The following CNTN2 variants were observed in gnomAD, a reference collection of about 807,000 sequenced individuals.
The protein encoded by CNTN2 is contactin-2.
In CNTN2, 53 loss-of-function variants were observed where a neutral mutation model predicts 117.5. That is an observed-to-expected ratio of 0.45 (90% CI 0.36 to 0.57). The LOEUF is 0.57. Among genes scored for constraint, CNTN2 ranks in the 20% least tolerant of loss-of-function variants. The pLI, the probability that CNTN2 is intolerant of heterozygous loss-of-function variation, is 0.00. For missense variants in CNTN2, 1,106 were observed against 1,404.3 expected (o/e 0.79, Z 3.39); for synonymous variants, 530 against 561.7 (o/e 0.94, Z 0.80).
At position 205,059,247 on chromosome 1, in the gene CNTN2, C is replaced by G; in HGVS notation, c.651C>G (p.Thr217=). The G allele has an allele frequency of 6.2e-7, 1 of 1,614,190 alleles. No individual in the cohort carries two copies. Among genetic ancestry groups the G allele is most frequent in the South Asian group, 1.1e-5 (1 of 91,066 alleles). The change falls in exon 6 of 23, where the codon ACC becomes ACG. Residue 217 remains threonine, a synonymous_variant. Coordinates refer to ENST00000331830, the MANE Select transcript of CNTN2 (RefSeq NM_005076.5). The surrounding 1 kb of genome is among the most constrained non-coding windows in gnomAD (Gnocchi z 5.6). The part of the protein sequence containing the change: ...CLATSHMDFS[T]KSVFSKFAQL... ...CCACCAGCCACATGGACTTCTCCAC[C>G]AAGAGCGTCTTCAGCAAGTTTGCTC...
intron 7 of CNTN2, chr1:205,060,199 A>C (rs1460971995): frequency 6.4e-6 from 1 of 155,626 alleles, no homozygotes; most frequent in East Asian, 1.9e-4. Context: ...GATCTATTTG[A>C]GAATGGCAGC....
rs749454188 is a variant in CNTN2, at chr1:205,071,860, G to A, written c.2545-87G>A. The A allele has an allele frequency of 6.0e-5, 78 of 1,301,444 alleles. No homozygotes were observed. In the East Asian group the frequency reaches 6.8e-4, roughly 11 times the overall value. 80.6% of individuals were successfully genotyped at this position (1,301,444 alleles called of 1,614,324 possible). On this transcript the variant is annotated intron_variant, in intron 19 of 22. Coordinates refer to ENST00000331830, the MANE Select transcript of CNTN2 (RefSeq NM_005076.5). ...GACTGGGTCACAGGGACCAGGATGA[G>A]CAAGAGAGGAACAGAATGTGGGGGC... is the stretch of plus-strand genomic sequence containing the variant.
chr1:205,063,103 A>T (rs2151193213), intron 10 of CNTN2: 1 of 152,456 alleles, frequency 6.6e-6, no homozygotes, highest in South Asian at 2.1e-4. Flanking sequence ...CCTCATCCAT[A>T]AAATGGACAC....
rs1475933253 is a variant in CNTN2, at chr1:205,058,144, G to C, written c.216-37G>C. ...CTCTCATCAGCCCTGCCACCAGGCA[G>C]GACTCAGAGGTCCCCTTCCTCTGTC... On this transcript the variant is annotated intron_variant, in intron 3 of 22. Coordinates refer to ENST00000331830, the MANE Select transcript of CNTN2 (RefSeq NM_005076.5). This position sits in a 1 kb window ranked among gnomAD's most constrained non-coding sequence, Gnocchi z 4.3. 1.3e-6 allele frequency: 2 copies of C among 1,594,168 alleles called. No individual in the cohort carries two copies. The highest frequency in any genetic ancestry group is 1.1e-5 in the South Asian group (1 of 88,378).
In CNTN2 at chr1:205,073,447, G is replaced by A. The variant is rs1224309647; in HGVS notation, c.3014-209G>A. ...ACATCCCCGAGGGCCAGGGAAGGGC[G>A]CAGGGTGCAGGGGGAGGCTGAGGAC... On this transcript the variant is annotated intron_variant, in intron 22 of 22. Transcript: ENST00000331830. The surrounding 1 kb of genome is among the most constrained non-coding windows in gnomAD (Gnocchi z 6.3). 6 of 742,068 alleles carry A rather than the reference G, an allele frequency of 8.1e-6. No homozygotes were observed. In the East Asian group the frequency reaches 8.1e-5, roughly 10 times the overall value. The allele number at this position is 742,068 out of a possible 1,614,324, so 46.0% of individuals were successfully genotyped here.
In CNTN2 at chr1:205,061,094, T is replaced by G; in HGVS notation, c.798-151T>G. 3.8e-6 allele frequency: 3 copies of G among 799,448 alleles called. No homozygotes were observed. Among genetic ancestry groups the G allele is most frequent in the East Asian group, 2.9e-5 (1 of 34,694 alleles). 49.5% of individuals were successfully genotyped at this position (799,448 alleles called of 1,614,324 possible). On this transcript the variant is annotated intron_variant, in intron 7 of 22. Transcript: ENST00000331830. The surrounding 1 kb of genome is among the most constrained non-coding windows in gnomAD (Gnocchi z 4.8). ...TCCGAGCCTACCTGGGAGAGGAGAG[T>G]GAGGATCAGCCAGAAGGCACCCTCT...
chr1:205,067,364 T>C, intron 16 of CNTN2, 114 bp downstream of exon 16: 1 of 1,318,652 alleles, frequency 7.6e-7, no homozygotes, highest in Non-Finnish European at 1.0e-6. Flanking sequence ...GCTCACAGGG[T>C]TCAGACTCTC....
chr1:205,072,923 G>A (rs1353930278), intron 21 of CNTN2, 145 bp from the exon 22 acceptor site: 2 of 849,312 alleles, frequency 2.4e-6, no homozygotes, highest in East Asian at 2.7e-5. Context: ...CCAATGAGGA[G>A]CTTTGTCAAT....
At chr1:205,062,375 C>G (rs994385604) in intron 9 of CNTN2, 65 bp from the exon 10 acceptor site, 10 of 1,549,390 alleles carry the variant, frequency 6.5e-6, no homozygotes, top group Non-Finnish European at 8.7e-6. Flanking sequence ...CCCACCCCTG[C>G]CAACCCCTCC....
At chr1:205,052,404 A>G (rs780272739) in intron 1 of CNTN2, among the ~76,000 whole-genome samples, 11 of 152,212 alleles carry the variant, frequency 7.2e-5, no homozygotes, top group Non-Finnish European at 2.9e-5. Flanking sequence ...CCAGAGCTCA[A>G]TGATTGAACC....
intron 16 of CNTN2, 47 bp from the exon 17 acceptor site, chr1:205,069,444 T>C (rs75353908): frequency 6.3e-7 from 1 of 1,594,256 alleles, no homozygotes; most frequent in Non-Finnish European, 8.6e-7. Context: ...TTTCATTTTT[T>C]CCTTGCTCAT....
chr1:205,043,054 A>C, upstream of CNTN2: 1 of 3,192 alleles, frequency 3.1e-4, no homozygotes, highest in African/African-American at 1.9e-3. Context: ...TAAAGCCAGG[A>C]GGGTGGGGAC....
intron 19 of CNTN2, among the ~76,000 whole-genome samples, chr1:205,071,452 G>A (rs181921100): frequency 2.0e-5 from 3 of 152,218 alleles, no homozygotes; most frequent in African/African-American, 4.8e-5. Flanking sequence ...GCAAGCCACA[G>A]TGTGGAGATA....
chr1:205,073,648 G>C lies in CNTN2; in HGVS notation c.3014-8G>C. ...AGGCCCAGCTGACTCAGCTTGTGCT[G>C]GTTTCAGGCACAAGCATGATGGTGG... is the stretch of plus-strand genomic sequence containing the variant. On this transcript the variant is annotated splice_polypyrimidine_tract_variant and splice_region_variant and intron_variant, in intron 22 of 22. Coordinates refer to ENST00000331830, the MANE Select transcript of CNTN2 (RefSeq NM_005076.5). The surrounding 1 kb of genome is among the most constrained non-coding windows in gnomAD (Gnocchi z 6.3). The C allele has an allele frequency of 6.2e-7, 1 of 1,611,602 alleles. No homozygotes were observed. The highest frequency in any genetic ancestry group is 8.5e-7 in the Non-Finnish European group (1 of 1,178,632).
At chr1:205,072,224 C>T (rs1460885668) in intron 20 of CNTN2, 91 bp downstream of exon 20, 12 of 1,298,532 alleles carry the variant, frequency 9.2e-6, no homozygotes, top group Admixed American at 2.2e-5. Flanking sequence ...AAGACAAATG[C>T]TCTAGCCCAC....
chr1:205,066,637 C>A, intron 15 of CNTN2, 38 bp downstream of exon 15: 1 of 1,607,386 alleles, frequency 6.2e-7, no homozygotes, highest in Non-Finnish European at 8.5e-7. Context: ...GCTGATAAGG[C>A]TCGACTGGGT....
intron 1 of CNTN2, among the ~76,000 whole-genome samples, chr1:205,046,156 T>C (rs11240341): frequency 0.72 from 108,751 of 152,060 alleles, 39,361 homozygotes; most frequent in African/African-American, 0.83. Flanking sequence ...AGTAAGTCCT[T>C]TCTTAGTTTG....
chr1:205,059,553 C>T lies in CNTN2; in HGVS notation c.698-30C>T, dbSNP rs1448786134. Reference sequence around the variant, plus strand: ...GGAGCACCTGACCTGGAGTCATCTGCATCTGATTTGTAAAACCCTCTCTCC... The same window carrying T: ...GGAGCACCTGACCTGGAGTCATCTGTATCTGATTTGTAAAACCCTCTCTCC... On this transcript the variant is annotated intron_variant, in intron 6 of 22. Coordinates refer to ENST00000331830, the MANE Select transcript of CNTN2 (RefSeq NM_005076.5). This position sits in a 1 kb window ranked among gnomAD's most constrained non-coding sequence, Gnocchi z 5.6. The T allele has an allele frequency of 6.2e-6, 10 of 1,601,376 alleles. No individual in the cohort carries two copies. The highest frequency in any genetic ancestry group is 8.6e-6 in the Non-Finnish European group (10 of 1,168,430).
chr1:205,045,442 T>C (rs2096439909), intron 1 of CNTN2, among the ~76,000 whole-genome samples: 1 of 152,204 alleles, frequency 6.6e-6, no homozygotes, highest in South Asian at 2.1e-4. Flanking sequence ...CGTCTCTGGC[T>C]GACCAAACTT....
Sources: allele counts gnomAD v4.1 joint callset (sites outside exome capture counted in the v4.1 genomes callset), GRCh38; gene constraint gnomAD v4.1.1; non-coding constraint Gnocchi (gnomAD v3.1); transcripts MANE v1.5; gene names NCBI Gene and HGNC (gene_info 2026-07-23, HGNC 2026-07-21).